CLSTN2: variants seen among roughly 807,000 people sequenced by gnomAD.
CLSTN2 encodes calsyntenin 2.
Under a neutral mutation model 101.2 loss-of-function variants are expected in CLSTN2, and 48 were observed. The ratio of observed to expected loss-of-function variants is 0.47; its 90% confidence interval spans 0.38 to 0.60. CLSTN2 has a LOEUF of 0.60. Among genes scored for constraint, CLSTN2 ranks in the 20% least tolerant of loss-of-function variants. CLSTN2 has a pLI of 0.00. For missense variants in CLSTN2, 1,160 were observed against 1,238.2 expected, an observed-to-expected ratio of 0.94 and a Z score of 0.95; for synonymous variants, 481 against 463.6, an observed-to-expected ratio of 1.04 and a Z score of -0.48.
rs143816020 is a variant in CLSTN2, at chr3:140,566,220, G to A, written c.2835G>A (p.Gln945=). The change falls in exon 17 of 17, where the codon CAG becomes CAA. Residue 945 remains glutamine (Q), a synonymous_variant. Coordinates refer to ENST00000458420, the MANE Select transcript of CLSTN2 (RefSeq NM_022131.3). ...RHGQNGARQA[Q]LEWDDSTLPY ...GGCAGAATGGAGCCAGGCAAGCCCA[G>A]CTGGAGTGGGATGACTCCACCCTCC... 3.4e-5 allele frequency: 54 copies of A among 1,586,600 alleles called. No homozygotes were observed. Among genetic ancestry groups the A allele is most frequent in the Admixed American group, 1.8e-4 (10 of 55,228 alleles).
chr3:140,263,431 C>T (rs1184641722), intron 2 of CLSTN2, among the ~76,000 whole-genome samples: 1 of 152,102 alleles, frequency 6.6e-6, no homozygotes, highest in East Asian at 1.9e-4. Context: ...GCCACTGGCT[C>T]ACCCCCATGG....
At chr3:140,443,388 CT>C (rs1413200384) in intron 5 of CLSTN2, among the ~76,000 whole-genome samples, 5 of 152,252 alleles carry the variant, frequency 3.3e-5, no homozygotes, top group African/African-American at 9.6e-5. Flanking sequence ...TTTATTCCCC[CT>C]GTAGGCATCT....
chr3:140,163,282 G>A (rs138043593), intron 1 of CLSTN2, among the ~76,000 whole-genome samples: 18 of 152,088 alleles, frequency 1.2e-4, no homozygotes, highest in African/African-American at 2.2e-4. Flanking sequence ...GTCATTTCCC[G>A]GAAAAGAAAA....
At chr3:140,491,560 G>A (rs1934352325) in intron 8 of CLSTN2, among the ~76,000 whole-genome samples, 1 of 152,184 alleles carries the variant, frequency 6.6e-6, no homozygotes, top group African/African-American at 2.4e-5. Flanking sequence ...GGTAGCTCAC[G>A]CCTGTAATCC....
At chr3:140,216,564 A>T (rs55835760) in intron 2 of CLSTN2, among the ~76,000 whole-genome samples, 1 of 152,112 alleles carries the variant, frequency 6.6e-6, no homozygotes, top group Non-Finnish European at 1.5e-5. Context: ...TAAAAAACCA[A>T]ACCTCTCAGT....
intron 10 of CLSTN2, among the ~76,000 whole-genome samples, chr3:140,553,841 G>A (rs1201902390): frequency 6.6e-6 from 1 of 152,130 alleles, no homozygotes; most frequent in African/African-American, 2.4e-5. Context: ...CCTCCGCAAT[G>A]CCCAGGAAGG....
At chr3:140,374,470 G>A (rs1173078522) in intron 2 of CLSTN2, among the ~76,000 whole-genome samples, 1 of 152,122 alleles carries the variant, frequency 6.6e-6, no homozygotes, top group Non-Finnish European at 1.5e-5. Flanking sequence ...CTTTGGGTAT[G>A]TTTATTGAAA....
rs1559863727 is a variant in CLSTN2, at chr3:140,418,504, TCTTTC to T, written c.638-2620_638-2616del. Among the ~76,000 whole-genome samples, 6 of 99,674 alleles carry T rather than the reference TCTTTC, an allele frequency of 6.0e-5. 1 individual carries two copies. Among genetic ancestry groups the T allele is most frequent in the African/African-American group, 1.8e-4 (4 of 22,792 alleles). 65.4% of individuals were successfully genotyped at this position (99,674 alleles called of 152,430 possible). ...AGATTATTCTAGTTCTTTCTTTCTTTCTTTCTTTCTTTCTTTTTTTTTTTTTTTTC... is the reference window on the plus strand; with the variant it reads ...AGATTATTCTAGTTCTTTCTTTCTTTTTTCTTTCTTTTTTTTTTTTTTTTC... On this transcript the variant is annotated intron_variant, in intron 4 of 16. Coordinates refer to ENST00000458420, the MANE Select transcript of CLSTN2 (RefSeq NM_022131.3).
rs141441887 is a variant in CLSTN2, at chr3:140,302,115, G to A, written c.233-101514G>A. Among the ~76,000 whole-genome samples, 418 of 152,284 alleles carry A rather than the reference G, an allele frequency of 2.7e-3. 1 individual carries two copies. The highest frequency in any genetic ancestry group is 9.5e-3 in the African/African-American group (395 of 41,560). ...AGTTGATTAAAAAGCCACTAGACCC[G>A]TGTCTTAATATTTGGAACATTGTGA... On this transcript the variant is annotated intron_variant, in intron 2 of 16. Coordinates refer to ENST00000458420, the MANE Select transcript of CLSTN2 (RefSeq NM_022131.3).
At chr3:140,486,392 G>A (rs2107754798) in intron 8 of CLSTN2, among the ~76,000 whole-genome samples, 1 of 152,142 alleles carries the variant, frequency 6.6e-6, no homozygotes, top group East Asian at 1.9e-4. Context: ...TGTATTGTGG[G>A]GCATATAATG....
chr3:140,228,006 G>A (rs966226834), intron 2 of CLSTN2, among the ~76,000 whole-genome samples: 1 of 152,180 alleles, frequency 6.6e-6, no homozygotes, highest in African/African-American at 2.4e-5. Context: ...GACATGCCCT[G>A]GAGACATTTC....
intron 2 of CLSTN2, among the ~76,000 whole-genome samples, chr3:140,213,412 C>T (rs1020318905): frequency 6.6e-6 from 1 of 152,196 alleles, no homozygotes; most frequent in Admixed American, 6.5e-5. Context: ...GCACAGGTTG[C>T]ATAGGGCATA....
At chr3:140,178,521 A>G (rs140141673) in intron 2 of CLSTN2, among the ~76,000 whole-genome samples, 3 of 152,326 alleles carry the variant, frequency 2.0e-5, no homozygotes, top group East Asian at 3.9e-4. Flanking sequence ...CTATACTTCT[A>G]TGATTTGCAG....
chr3:139,999,677 C>G (rs887171036), intron 1 of CLSTN2, among the ~76,000 whole-genome samples: 1 of 152,152 alleles, frequency 6.6e-6, no homozygotes, highest in African/African-American at 2.4e-5. Flanking sequence ...ACTTGCAACT[C>G]TAAACCAAAT....
intron 6 of CLSTN2, among the ~76,000 whole-genome samples, chr3:140,450,737 T>C (rs1271181308): frequency 2.6e-5 from 4 of 151,640 alleles, no homozygotes; most frequent in African/African-American, 7.3e-5. Context: ...TACACACACA[T>C]ACACACACAC....
chr3:140,498,260 A>AT (rs1162716514), intron 8 of CLSTN2, among the ~76,000 whole-genome samples: 1 of 152,102 alleles, frequency 6.6e-6, no homozygotes, highest in African/African-American at 2.4e-5. Context: ...TCAGCCCAAG[A>AT]TTTTTTCCAG....
chr3:140,070,984 A>T lies in CLSTN2; in HGVS notation c.110-104967A>T, dbSNP rs1289411912. Among the ~76,000 whole-genome samples, 4 of 152,186 alleles carry T rather than the reference A, an allele frequency of 2.6e-5. No homozygotes were observed. The East Asian group carries it at 7.7e-4, about 29-fold the overall frequency. ...TGATCCAGAAAATTAAGCCCATGAG[A>T]AGACCTGTGAAAACGTAAAAAAAGA... is the stretch of plus-strand genomic sequence containing the variant. On this transcript the variant is annotated intron_variant, in intron 1 of 16. Coordinates refer to ENST00000458420, the MANE Select transcript of CLSTN2 (RefSeq NM_022131.3).
At chr3:140,535,837 T>C (rs924543535) in intron 9 of CLSTN2, among the ~76,000 whole-genome samples, 4 of 152,232 alleles carry the variant, frequency 2.6e-5, no homozygotes, top group Admixed American at 2.6e-4. Context: ...CTCTTTTCAC[T>C]GTGTCTCACT....
chr3:140,015,045 C>T (rs9824570), intron 1 of CLSTN2, among the ~76,000 whole-genome samples: 8,741 of 152,240 alleles, frequency 0.057, 336 homozygotes, highest in Non-Finnish European at 0.079. Flanking sequence ...CAGCAGACAG[C>T]GTGAGCCTCT....
Sources: gnomAD v4.1 joint callset for allele counts (sites outside exome capture counted in the v4.1 genomes callset) on GRCh38, gnomAD v4.1.1 for gene constraint, MANE v1.5 for transcripts, NCBI Gene and HGNC (gene_info 2026-07-23, HGNC 2026-07-21) for gene names.